PADI3: variants seen among roughly 807,000 people sequenced by gnomAD.
PADI3 encodes the protein protein-arginine deiminase type-3.
Under a neutral mutation model 71.5 loss-of-function variants are expected in PADI3, and 53 were observed. That is an observed-to-expected ratio of 0.74 (90% CI 0.59 to 0.93). The LOEUF (loss-of-function observed/expected upper bound fraction) is 0.93. Ranked by LOEUF, PADI3 falls within the 40% of genes least tolerant of loss-of-function variation. The probability of loss-of-function intolerance (pLI) is 0.00; values close to 1 mark genes in which losing one functional copy is unlikely to be tolerated. For synonymous variants in PADI3, 361 were observed against 347.5 expected, an observed-to-expected ratio of 1.04 and a Z score of -0.43; for missense variants, 821 against 868.0, an observed-to-expected ratio of 0.95 and a Z score of 0.68.
At chr1:17,267,462 G>A (rs1156449744) in intron 5 of PADI3, among the ~76,000 whole-genome samples, 1 of 152,192 alleles carries the variant, frequency 6.6e-6, no homozygotes, top group African/African-American at 2.4e-5. Context: ...TTGGACATGG[G>A]GATGCTGGGG....
intron 1 of PADI3, among the ~76,000 whole-genome samples, chr1:17,251,889 T>C (rs771582536): frequency 9.2e-5 from 14 of 152,176 alleles, no homozygotes; most frequent in Non-Finnish European, 1.6e-4. Context: ...CTGGACCGTA[T>C]TGGGAGAAGG....
At chr1:17,257,519 C>T (rs554592439) in intron 1 of PADI3, among the ~76,000 whole-genome samples, 209 of 152,314 alleles carry the variant, frequency 1.4e-3, no homozygotes, top group Non-Finnish European at 2.6e-3. Flanking sequence ...TTTTTATTTG[C>T]TAAGTCTGGC....
At chr1:17,255,673 T>C (rs1021241489) in intron 1 of PADI3, among the ~76,000 whole-genome samples, 6 of 152,312 alleles carry the variant, frequency 3.9e-5, no homozygotes, top group Admixed American at 3.3e-4. Flanking sequence ...GCATGAGCAC[T>C]GGACTGGAAG....
intron 1 of PADI3, among the ~76,000 whole-genome samples, chr1:17,251,208 G>T (rs1344914503): frequency 6.6e-6 from 1 of 152,240 alleles, no homozygotes; most frequent in East Asian, 1.9e-4. Context: ...GCCAGCAGAG[G>T]CTGGACAACC....
Position 17,267,932 on chromosome 1 carries a change from G to A in PADI3, c.622G>A (p.Ala208Thr). 6.2e-7 allele frequency: 1 copy of A among 1,614,150 alleles called. No homozygotes were observed. The highest frequency in any genetic ancestry group is 8.5e-7 in the Non-Finnish European group (1 of 1,180,040). The change falls in exon 6 of 16, where the codon GCC (alanine) becomes ACC (threonine). Residue 208 changes from alanine to threonine, a missense_variant. Coordinates refer to ENST00000375460, the MANE Select transcript of PADI3 (RefSeq NM_016233.2). ...TGTCCTCCATACCTCCAGCTATGAT[G>A]CCAAACGGGCACAGGTCTTCCACAT... ...KLVLHTSSYDAKRAQVFHICG... is the reference protein window; with the variant it reads ...KLVLHTSSYDTKRAQVFHICG...
intron 1 of PADI3, among the ~76,000 whole-genome samples, chr1:17,254,511 G>A (rs1406467112): frequency 6.6e-6 from 1 of 152,170 alleles, no homozygotes; most frequent in Non-Finnish European, 1.5e-5. Context: ...CTAGCTGTGT[G>A]ACTTTGGGCA....
At chr1:17,258,374 C>T (rs1461650704) in intron 1 of PADI3, among the ~76,000 whole-genome samples, 1 of 152,236 alleles carries the variant, frequency 6.6e-6, no homozygotes, top group Admixed American at 6.5e-5. Context: ...GATCTGCCCG[C>T]CAGGCAGTAC....
chr1:17,264,638 G>C (rs981055641), intron 3 of PADI3, among the ~76,000 whole-genome samples: 4 of 152,060 alleles, frequency 2.6e-5, no homozygotes, highest in Non-Finnish European at 4.4e-5. Context: ...CTTTTGCGTT[G>C]GGCGTCTTTT....
chr1:17,283,260 A>C lies in PADI3; in HGVS notation c.*181A>C. 1 of 579,382 alleles carries C rather than the reference A, an allele frequency of 1.7e-6. No individual in the cohort carries two copies. Among genetic ancestry groups the C allele is most frequent in the South Asian group, 2.2e-5 (1 of 46,056 alleles). 35.9% of individuals were successfully genotyped at this position (579,382 alleles called of 1,614,324 possible). Reference sequence around the variant, plus strand: ...AGTGTCCATGCCTCACCTGCAACCCATGTGGTTCTCAGACTTGAATCTTCT... The same window carrying C: ...AGTGTCCATGCCTCACCTGCAACCCCTGTGGTTCTCAGACTTGAATCTTCT... On this transcript the variant is annotated 3_prime_UTR_variant, in exon 16 of 16. Coordinates refer to ENST00000375460, the MANE Select transcript of PADI3 (RefSeq NM_016233.2).
Position 17,267,515 on chromosome 1 carries a change from C to A in PADI3, c.527-322C>A, listed in dbSNP as rs187510082. ...TTGTCCAGGGTCACAGGGAGTGATG[C>A]TGGGATGGAGGCCAGAACCCTTACC... On this transcript the variant is annotated intron_variant, in intron 5 of 15. Coordinates refer to ENST00000375460, the MANE Select transcript of PADI3 (RefSeq NM_016233.2). 2.7e-3 allele frequency among the ~76,000 whole-genome samples: 417 copies of A among 152,284 alleles called. 2 individuals are homozygous for A. Among genetic ancestry groups the A allele is most frequent in the Middle Eastern group, 0.01 (3 of 294 alleles).
intron 14 of PADI3, 33 bp from the exon 15 acceptor site, chr1:17,280,638 G>T (rs978933984): frequency 2.5e-6 from 4 of 1,613,646 alleles, no homozygotes; most frequent in East Asian, 2.2e-5. Context: ...CACTGGCAAG[G>T]TGTCCCCAAC....
chr1:17,269,290 A>G (rs1483906880), intron 6 of PADI3, among the ~76,000 whole-genome samples: 1 of 152,176 alleles, frequency 6.6e-6, no homozygotes, highest in Non-Finnish European at 1.5e-5. Flanking sequence ...GGCTTCTTTC[A>G]TTAAGTAATA....
chr1:17,261,142 G>A lies in PADI3; in HGVS notation c.274-991G>A, dbSNP rs189160358. 3.0e-3 allele frequency among the ~76,000 whole-genome samples: 456 copies of A among 152,202 alleles called. 3 individuals carry two copies. Among genetic ancestry groups the A allele is most frequent in the African/African-American group, 0.01 (434 of 41,516 alleles). ...AGATCCTCCCCTCTGGCTGAGATTC[G>A]GACATGAGAAGCAGAGAGTTGAGAC... is the stretch of plus-strand genomic sequence containing the variant. On this transcript the variant is annotated intron_variant, in intron 2 of 15. Transcript: ENST00000375460.
chr1:17,282,939 T>C lies in PADI3; in HGVS notation c.1855T>C (p.Ser619Pro), dbSNP rs770807350. ...GCCCLEEKVRSLLEPLGLHCT... is the reference protein window; with the variant it reads ...GCCCLEEKVRPLLEPLGLHCT... ...CTGCTGCCTGGAGGAGAAGGTGCGG[T>C]CCCTGCTGGAGCCGCTGGGCCTCCA... The change falls in exon 16 of 16, where the codon TCC (serine) becomes CCC (proline). Residue 619 changes from serine to proline, a missense_variant. Ser to Pro is a moderately conservative substitution (Grantham distance 74, BLOSUM62 -1). Coordinates refer to ENST00000375460, the MANE Select transcript of PADI3 (RefSeq NM_016233.2). 1.5e-5 allele frequency: 25 copies of C among 1,614,036 alleles called. No individual in the cohort carries two copies. In the South Asian group the frequency reaches 2.6e-4, roughly 17 times the overall value.
At chr1:17,276,942 T>C in intron 13 of PADI3, 66 bp downstream of exon 13, 3 of 1,377,112 alleles carry the variant, frequency 2.2e-6, no homozygotes, top group South Asian at 2.6e-5. Context: ...AGACACATCA[T>C]GGCTTGAGAG....
rs977815826 is a variant in PADI3 at position 17,273,584 on chromosome 1, G to A, written c.1155+137G>A. The A allele has an allele frequency of 1.1e-5, 6 of 529,918 alleles. No homozygotes were observed. The African/African-American group carries it at 1.2e-4, about 10-fold the overall frequency. 32.8% of individuals were successfully genotyped at this position (529,918 alleles called of 1,614,324 possible). Reference sequence around the variant, plus strand: ...TGAGGGTAGGGTTGCCAGATAAAATGCAGGGATGCCCAGTCAAATGTGAAT... The same window carrying A: ...TGAGGGTAGGGTTGCCAGATAAAATACAGGGATGCCCAGTCAAATGTGAAT... On this transcript the variant is annotated intron_variant, in intron 10 of 15. Coordinates refer to ENST00000375460, the MANE Select transcript of PADI3 (RefSeq NM_016233.2).
In PADI3 at chr1:17,260,185, C is replaced by G. The variant is rs544899559; in HGVS notation, c.273+427C>G. Among the ~76,000 whole-genome samples, 54 of 152,236 alleles carry G rather than the reference C, an allele frequency of 3.5e-4. No homozygotes were observed. The South Asian group carries it at 0.011, about 31-fold the overall frequency. ...GCCACTTTGAATGAAAGAGAGAAAG[C>G]AGGGACAGGGGAGGGACACCGGTGC... On this transcript the variant is annotated intron_variant, in intron 2 of 15. Transcript: ENST00000375460.
At chr1:17,265,809 T>G in intron 4 of PADI3, 89 bp downstream of exon 4, 2 of 1,108,744 alleles carry the variant, frequency 1.8e-6, no homozygotes, top group Non-Finnish European at 2.8e-6. Flanking sequence ...ATTACAGATA[T>G]CCCCCTGCCT....
intron 9 of PADI3, among the ~76,000 whole-genome samples, chr1:17,271,972 C>T (rs926158329): frequency 6.6e-6 from 1 of 152,032 alleles, no homozygotes; most frequent in Non-Finnish European, 1.5e-5. Context: ...TGAAGACCTC[C>T]AGGAGGGAGA....
Sources: allele counts gnomAD v4.1 joint callset (sites outside exome capture counted in the v4.1 genomes callset), GRCh38; gene constraint gnomAD v4.1.1; transcripts MANE v1.5; gene names NCBI Gene and HGNC (gene_info 2026-07-23, HGNC 2026-07-21).